AGBL4: variants seen among roughly 807,000 people sequenced by gnomAD.
The protein encoded by AGBL4 is AGBL carboxypeptidase 4.
Under a neutral mutation model 66.4 loss-of-function variants are expected in AGBL4, and 58 were observed. That is an observed-to-expected ratio of 0.87 (90% confidence interval 0.71 to 1.09). AGBL4 has a LOEUF of 1.09. AGBL4 is among the 50% of genes least tolerant of loss of function. The pLI is 0.00. For missense variants in AGBL4, 579 were observed against 631.0 expected, an observed-to-expected ratio of 0.92 and a Z score of 0.88; for synonymous variants, 234 against 222.9, an observed-to-expected ratio of 1.05 and a Z score of -0.44.
chr1:49,391,151 A>C (rs1418563835), intron 3 of AGBL4, among the ~76,000 whole-genome samples: 3 of 152,212 alleles, frequency 2.0e-5, no homozygotes, highest in Admixed American at 2.0e-4. Flanking sequence ...AGTTGAGCAC[A>C]GTTGTAGCAT....
At chr1:49,499,720 C>CATATATAT (rs151053487) in intron 3 of AGBL4, among the ~76,000 whole-genome samples, 6 of 145,346 alleles carry the variant, frequency 4.1e-5, no homozygotes, top group African/African-American at 1.0e-4. Context: ...GAATGGTATT[C>CATATATAT]ATATATATAT....
At chr1:48,831,546 T>A (rs1646553144) in intron 6 of AGBL4, among the ~76,000 whole-genome samples, 1 of 152,240 alleles carries the variant, frequency 6.6e-6, no homozygotes, top group Non-Finnish European at 1.5e-5. Flanking sequence ...CTGTAACATT[T>A]AGTTTTTTGC....
chr1:48,875,463 A>G lies in AGBL4; in HGVS notation c.595-8233T>C, dbSNP rs775018601. 3.9e-5 allele frequency among the ~76,000 whole-genome samples: 6 copies of G among 152,166 alleles called. 1 individual carries two copies. The highest frequency in any genetic ancestry group is 6.5e-5 in the Admixed American group (1 of 15,280). On this transcript the variant is annotated intron_variant, in intron 5 of 13. Transcript: ENST00000371839. ...AAAGCTGAAATAAAATTCCACAACT[A>G]GGGGTTATAATCCAGTGGGAAGCAG...
chr1:48,583,445 G>A (rs1644769746), intron 11 of AGBL4, among the ~76,000 whole-genome samples: 1 of 152,206 alleles, frequency 6.6e-6, no homozygotes, highest in South Asian at 2.1e-4. Context: ...CTCACCCAAG[G>A]TGACACATCT....
chr1:49,194,263 A>T (rs1389452000), intron 4 of AGBL4, among the ~76,000 whole-genome samples: 1 of 111,744 alleles, frequency 8.9e-6, no homozygotes, highest in African/African-American at 3.3e-5. Context: ...ATCATTATAT[A>T]CTGACCTTTC....
intron 3 of AGBL4, among the ~76,000 whole-genome samples, chr1:49,569,482 T>G (rs938906982): frequency 2.6e-5 from 4 of 152,158 alleles, no homozygotes; most frequent in African/African-American, 9.7e-5. Context: ...ATGTACCCCA[T>G]AAATATATAT....
intron 3 of AGBL4, among the ~76,000 whole-genome samples, chr1:49,536,959 A>G (rs1174846693): frequency 6.6e-6 from 1 of 151,940 alleles, no homozygotes; most frequent in Non-Finnish European, 1.5e-5. Flanking sequence ...GTGAGCCAAG[A>G]TCATGCCATT....
intron 6 of AGBL4, among the ~76,000 whole-genome samples, chr1:48,863,613 G>A (rs769156446): frequency 3.0e-4 from 46 of 152,188 alleles, no homozygotes; most frequent in Non-Finnish European, 5.3e-4. Context: ...AGAATTAAGC[G>A]TGGTAGGCCA....
intron 4 of AGBL4, among the ~76,000 whole-genome samples, chr1:49,242,923 G>A (rs1651349177): frequency 6.6e-6 from 1 of 151,500 alleles, no homozygotes; most frequent in Admixed American, 6.6e-5. Flanking sequence ...GCTAAGACTT[G>A]AAGGCCTTGG....
intron 1 of AGBL4, among the ~76,000 whole-genome samples, chr1:49,990,739 A>T (rs1237656690): frequency 6.6e-6 from 1 of 152,192 alleles, no homozygotes; most frequent in African/African-American, 2.4e-5. Context: ...ATTTAACAAC[A>T]CGAGCCACAT....
chr1:49,276,121 TAC>T (rs150008463), intron 3 of AGBL4, among the ~76,000 whole-genome samples: 16 of 150,816 alleles, frequency 1.1e-4, no homozygotes, highest in African/African-American at 3.6e-4. Flanking sequence ...TACATATATA[TAC>T]ACACACACAC....
intron 3 of AGBL4, among the ~76,000 whole-genome samples, chr1:49,365,003 T>C (rs1644216360): frequency 6.6e-6 from 1 of 152,146 alleles, no homozygotes; most frequent in African/African-American, 2.4e-5. Context: ...CTAGTATATA[T>C]AAACGATAAG....
chr1:49,787,777 C>T (rs563198845), intron 2 of AGBL4, among the ~76,000 whole-genome samples: 7 of 152,222 alleles, frequency 4.6e-5, no homozygotes, highest in African/African-American at 1.7e-4. Context: ...AGTGAAGTCA[C>T]ACAGGACACA....
intron 3 of AGBL4, among the ~76,000 whole-genome samples, chr1:49,419,511 T>A (rs1040368673): frequency 1.4e-4 from 22 of 152,040 alleles, no homozygotes; most frequent in Non-Finnish European, 2.6e-4. Flanking sequence ...TGAAAAAAAA[T>A]ATTTTCTGGA....
chr1:49,374,383 G>C (rs1644429146), intron 3 of AGBL4: 2 of 151,592 alleles, frequency 1.3e-5, no homozygotes, highest in Non-Finnish European at 2.9e-5. Flanking sequence ...TGTAATCAGG[G>C]GCATTTGATG....
At chr1:49,710,862 T>C (rs1647610106) in intron 2 of AGBL4, among the ~76,000 whole-genome samples, 1 of 151,542 alleles carries the variant, frequency 6.6e-6, no homozygotes, top group Non-Finnish European at 1.5e-5. Context: ...ATCTTGAATA[T>C]ACAAAGAACT....
intron 4 of AGBL4, among the ~76,000 whole-genome samples, chr1:49,233,021 G>C (rs1175185217): frequency 1.3e-5 from 2 of 151,738 alleles, no homozygotes; most frequent in Non-Finnish European, 2.9e-5. Flanking sequence ...ACTACTGATG[G>C]GTACTTGGAT....
chr1:49,154,543 C>T (rs1197490325), intron 4 of AGBL4, among the ~76,000 whole-genome samples: 4 of 152,226 alleles, frequency 2.6e-5, no homozygotes, highest in African/African-American at 9.6e-5. Context: ...TGTCTATTGG[C>T]TTTCCAACTT....
intron 1 of AGBL4, among the ~76,000 whole-genome samples, chr1:49,920,933 C>T (rs1434877956): frequency 1.3e-5 from 2 of 152,170 alleles, no homozygotes; most frequent in Non-Finnish European, 2.9e-5. Flanking sequence ...AGGTCATGTC[C>T]TTTGTAGGGA....
Sources: gnomAD v4.1 joint callset for allele counts (sites outside exome capture counted in the v4.1 genomes callset) on GRCh38, gnomAD v4.1.1 for gene constraint, MANE v1.5 for transcripts, NCBI Gene and HGNC (gene_info 2026-07-23, HGNC 2026-07-21) for gene names.